The following ZMYND8 variants were observed in gnomAD, a reference collection of about 807,000 sequenced individuals.
ZMYND8 encodes the protein zinc finger MYND-type containing 8, also known as MYND-type zinc finger-containing chromatin reader ZMYND8.
In ZMYND8, 37 loss-of-function variants were observed where a neutral mutation model predicts 140.8. The observed-to-expected ratio is 0.26, with a 90% CI of 0.20 to 0.35. ZMYND8 has a LOEUF of 0.35. ZMYND8 is among the 10% of genes least tolerant of loss of function. The probability of loss-of-function intolerance (pLI) is 1.00; values close to 1 mark genes in which losing one functional copy is unlikely to be tolerated. For missense variants in ZMYND8, 1,068 were observed against 1,570.0 expected, an observed-to-expected ratio of 0.68 and a Z score of 5.40; for synonymous variants, 592 against 597.1, an observed-to-expected ratio of 0.99 and a Z score of 0.12.
At chr20:47,338,266 T>C (rs968745673) in intron 2 of ZMYND8, among the ~76,000 whole-genome samples, 8 of 151,342 alleles carry the variant, frequency 5.3e-5, no homozygotes, top group Non-Finnish European at 7.4e-5. Context: ...CTCCCGAGAG[T>C]GGCCTGGACC....
At chr20:47,247,912 G>C (rs1341222311) in intron 13 of ZMYND8, among the ~76,000 whole-genome samples, 1 of 152,186 alleles carries the variant, frequency 6.6e-6, no homozygotes, top group Non-Finnish European at 1.5e-5. Flanking sequence ...AGGAGTTCAA[G>C]GCTAGCCAGG....
chr20:47,264,537 G>T (rs938407709), intron 11 of ZMYND8, among the ~76,000 whole-genome samples: 1 of 151,892 alleles, frequency 6.6e-6, no homozygotes, highest in Non-Finnish European at 1.5e-5. Context: ...TCAGCCTCCC[G>T]AAGTGCTGGG....
At chr20:47,293,168 G>C (rs140335494) in intron 5 of ZMYND8, among the ~76,000 whole-genome samples, 33 of 26,380 alleles carry the variant, frequency 1.3e-3, no homozygotes, top group Middle Eastern at 0.014. Context: ...GGGAGGGAGG[G>C]AGGGAGGGAG....
At position 47,319,053 on chromosome 20, in the gene ZMYND8, C is replaced by T. The variant is rs576702714; in HGVS notation, c.86-8849G>A. 28 of 1,348,134 alleles carry T rather than the reference C, an allele frequency of 2.1e-5. No homozygotes were observed. In the Admixed American group the frequency reaches 3.1e-4, roughly 15 times the overall value. The allele number at this position is 1,348,134 out of a possible 1,614,324, so 83.5% of individuals were successfully genotyped here. On this transcript the variant is annotated intron_variant, in intron 2 of 22. Transcript: ENST00000471951. ...GACATTCCTGCTTCCGGATCCTCAG[C>T]GGCCTCTCCCAGGGGGAGGAGGAAG...
chr20:47,249,524 C>T (rs1319052713), intron 12 of ZMYND8, 85 bp from the exon 13 acceptor site: 4 of 1,546,324 alleles, frequency 2.6e-6, no homozygotes, highest in African/African-American at 1.4e-5. Context: ...CAGAGCAAAA[C>T]ACACATTTTA....
In ZMYND8 at chr20:47,217,645, C is replaced by T. The variant is rs1480440148; in HGVS notation, c.3484+2613G>A. ...ACTGAAGTCTTGGCTCTCATAATTACTCATTGAGTTACCTGGGCATCTGAG... is the reference window on the plus strand; with the variant it reads ...ACTGAAGTCTTGGCTCTCATAATTATTCATTGAGTTACCTGGGCATCTGAG... On this transcript the variant is annotated intron_variant, in intron 21 of 22. Transcript: ENST00000471951. 2.0e-5 allele frequency among the ~76,000 whole-genome samples: 3 copies of T among 148,784 alleles called. No homozygotes were observed. The East Asian group carries it at 6.1e-4, about 30-fold the overall frequency.
chr20:47,210,785 A>C lies in ZMYND8; in HGVS notation c.3681T>G (p.Ser1227=). The change falls in exon 23 of 23, where the codon TCT becomes TCG. Residue 1227 remains serine (S), a synonymous_variant. Coordinates refer to ENST00000471951, the MANE Select transcript of ZMYND8 (RefSeq NM_001281775.3). ...TSTKSLLPKE[S]RLDTFWD ...GCTAGTCCCAGAAGGTGTCCAGCCG[A>C]GACTCTTTCGGGAGGAGGCTCTTCG... 1 of 1,613,974 alleles carries C rather than the reference A, an allele frequency of 6.2e-7. No individual in the cohort carries two copies. The highest frequency in any genetic ancestry group is 8.5e-7 in the Non-Finnish European group (1 of 1,179,990).
In ZMYND8 at chr20:47,279,079, C is replaced by T. The variant is rs145763657; in HGVS notation, c.999-2284G>A. Among the ~76,000 whole-genome samples the T allele has an allele frequency of 5.7e-3, 871 of 152,250 alleles. 7 individuals are homozygous for T. Among genetic ancestry groups the T allele is most frequent in the South Asian group, 0.045 (218 of 4,824 alleles). On this transcript the variant is annotated intron_variant, in intron 10 of 22. Coordinates refer to ENST00000471951, the MANE Select transcript of ZMYND8 (RefSeq NM_001281775.3). ...CTGCTCCACACCCACCTCACCCACACACTTCTGTCCGGTATCTAAGGCGCT... is the reference window on the plus strand; with the variant it reads ...CTGCTCCACACCCACCTCACCCACATACTTCTGTCCGGTATCTAAGGCGCT...
Position 47,235,117 on chromosome 20 carries a change from C to A in ZMYND8, c.2856+1209G>T, listed in dbSNP as rs145745620. Among the ~76,000 whole-genome samples, 27 of 152,304 alleles carry A rather than the reference C, an allele frequency of 1.8e-4. No homozygotes were observed. In the East Asian group the frequency reaches 5.2e-3, roughly 29 times the overall value. On this transcript the variant is annotated intron_variant, in intron 16 of 22. Coordinates refer to ENST00000471951, the MANE Select transcript of ZMYND8 (RefSeq NM_001281775.3). The stretch of plus-strand genomic sequence containing the variant: ...TATTAACTACTTAGTAATTTACTAA[C>A]TAATCTCAGTAGATTATAAATCAAT...
At chr20:47,332,094 C>T (rs948787288) in intron 2 of ZMYND8, among the ~76,000 whole-genome samples, 1 of 151,264 alleles carries the variant, frequency 6.6e-6, no homozygotes, top group African/African-American at 2.4e-5. Flanking sequence ...AGGCGGATCA[C>T]GAGGTCAGGA....
chr20:47,347,743 A>T (rs1018788976), intron 2 of ZMYND8, 113 bp downstream of exon 2: 83 of 996,890 alleles, frequency 8.3e-5, no homozygotes, highest in Non-Finnish European at 9.1e-6. Context: ...AAAATCCAAG[A>T]AGAGTTACAA....
At chr20:47,292,760 C>G (rs2077346831) in intron 5 of ZMYND8, among the ~76,000 whole-genome samples, 1 of 152,018 alleles carries the variant, frequency 6.6e-6, no homozygotes, top group Admixed American at 6.6e-5. Flanking sequence ...AGTTTCTCTT[C>G]ATCTGTAGGG....
At chr20:47,316,439 G>C (rs1421665653) in intron 2 of ZMYND8, among the ~76,000 whole-genome samples, 1 of 151,992 alleles carries the variant, frequency 6.6e-6, no homozygotes, top group Non-Finnish European at 1.5e-5. Context: ...TTTGATTTAA[G>C]GGGCATCTTA....
At chr20:47,327,047 G>A (rs1158460906) in intron 2 of ZMYND8, among the ~76,000 whole-genome samples, 1 of 152,088 alleles carries the variant, frequency 6.6e-6, no homozygotes, top group Non-Finnish European at 1.5e-5. Context: ...AACCAGGTCA[G>A]CCTTATTAGG....
intron 13 of ZMYND8, among the ~76,000 whole-genome samples, chr20:47,248,975 G>GA (rs1568987242): frequency 9.2e-5 from 14 of 151,736 alleles, no homozygotes; most frequent in African/African-American, 2.9e-4. Context: ...GATGCGTACT[G>GA]AGGAGAGCAG....
intron 4 of ZMYND8, among the ~76,000 whole-genome samples, chr20:47,296,435 T>C (rs959567178): frequency 6.6e-6 from 1 of 152,032 alleles, no homozygotes; most frequent in African/African-American, 2.4e-5. Flanking sequence ...TAAAAAGAGA[T>C]GCAAGGAGAG....
chr20:47,301,041 AAGAGCCTTGT>A (rs2078006166), intron 3 of ZMYND8, among the ~76,000 whole-genome samples: 1 of 152,044 alleles, frequency 6.6e-6, no homozygotes, highest in South Asian at 2.1e-4. Context: ...ATCCTTGATG[AAGAGCCTTGT>A]AGATGCTTGC....
At chr20:47,316,806 A>G (rs908665074) in intron 2 of ZMYND8, among the ~76,000 whole-genome samples, 41 of 152,024 alleles carry the variant, frequency 2.7e-4, no homozygotes, top group Non-Finnish European at 3.1e-4. Context: ...AAAAAAAAAA[A>G]AAAGAAAGAA....
chr20:47,312,249 T>C (rs1481232117), intron 2 of ZMYND8, among the ~76,000 whole-genome samples: 1 of 152,168 alleles, frequency 6.6e-6, no homozygotes, highest in South Asian at 2.1e-4. Context: ...ACGCAAGGCC[T>C]CCTAGTGGTT....
Sources: gnomAD v4.1 joint callset for allele counts (sites outside exome capture counted in the v4.1 genomes callset) on GRCh38, gnomAD v4.1.1 for gene constraint, MANE v1.5 for transcripts, NCBI Gene and HGNC (gene_info 2026-07-23, HGNC 2026-07-21) for gene names.